Variants in TMEM196 observed in about 807,000 individuals in gnomAD.
The protein encoded by TMEM196 is transmembrane protein 196.
TMEM196 carries 17 observed loss-of-function variants against 20.0 expected under a neutral mutation model. The observed-to-expected ratio is 0.85, with a 90% CI of 0.58 to 1.27. TMEM196 has a LOEUF of 1.27. TMEM196 is among the 50% of genes most tolerant of loss of function. The pLI is 0.00. For missense variants in TMEM196, 267 were observed against 223.0 expected (o/e 1.20, Z -1.26); for synonymous variants, 113 against 88.9 (o/e 1.27, Z -1.52).
At chr7:19,772,432 A>C in intron 1 of TMEM196, 118 bp downstream of exon 1, 463 of 1,124,608 alleles carry the variant, frequency 4.1e-4, no homozygotes, top group Middle Eastern at 6.3e-4. Context: ...CATGCAAGCC[A>C]GAGATCTATG....
At chr7:19,772,435 G>T (rs1230869644) in intron 1 of TMEM196, 115 bp downstream of exon 1, 3 of 1,194,952 alleles carry the variant, frequency 2.5e-6, no homozygotes, top group East Asian at 2.9e-5. Flanking sequence ...GCAAGCCAGA[G>T]ATCTATGATT....
intron 2 of TMEM196, among the ~76,000 whole-genome samples, chr7:19,727,109 G>T (rs534027549): frequency 7.2e-4 from 109 of 152,124 alleles, no homozygotes; most frequent in Middle Eastern, 3.4e-3. Context: ...TTTCATTGAC[G>T]GTTGAGTTTA....
At chr7:19,769,556 G>C (rs1287924716) in intron 1 of TMEM196, among the ~76,000 whole-genome samples, 1 of 152,044 alleles carries the variant, frequency 6.6e-6, no homozygotes, top group African/African-American at 2.4e-5. Context: ...TCCACTGCCA[G>C]TCTGTGCACT....
At chr7:19,758,270 G>A (rs10243965) in intron 1 of TMEM196, among the ~76,000 whole-genome samples, 23,947 of 152,098 alleles carry the variant, frequency 0.16, 2,355 homozygotes, top group East Asian at 0.44. Context: ...GTCTGGAAAA[G>A]CACCATGGAA....
In TMEM196 at chr7:19,729,248, A is replaced by C. The variant is rs954900614; in HGVS notation, c.204+134T>G. ...TTTGAAAACAGAAAAGGCAGGATTT[A>C]TTTGTCAGTTTTTTTTTTTTTTGCC... On this transcript the variant is annotated intron_variant, in intron 2 of 4. Transcript: ENST00000405844. 9.9e-6 allele frequency: 6 copies of C among 604,950 alleles called. No individual in the cohort carries two copies. The South Asian group carries it at 1.6e-4, about 16-fold the overall frequency. The allele number at this position is 604,950 out of a possible 1,614,324, so 37.5% of individuals were successfully genotyped here. A position where few individuals can be genotyped will look rare whatever the true frequency, so the allele number is the denominator to read the frequency against.
At chr7:19,747,172 G>A (rs1003946096) in intron 1 of TMEM196, among the ~76,000 whole-genome samples, 1 of 150,614 alleles carries the variant, frequency 6.6e-6, no homozygotes, top group Non-Finnish European at 1.5e-5. Flanking sequence ...GGAGAATGGC[G>A]TGAACCCGGG....
At chr7:19,735,044 T>G (rs1327643496) in intron 1 of TMEM196, among the ~76,000 whole-genome samples, 1 of 152,178 alleles carries the variant, frequency 6.6e-6, no homozygotes, top group Non-Finnish European at 1.5e-5. Context: ...CTATGATGTG[T>G]TGAGTGGGAG....
intron 1 of TMEM196, among the ~76,000 whole-genome samples, chr7:19,756,362 T>TG (rs1232458694): frequency 6.6e-6 from 1 of 152,098 alleles, no homozygotes; most frequent in Non-Finnish European, 1.5e-5. Context: ...TCTTTGTTTT[T>TG]TAAACTTTTA....
At chr7:19,737,876 A>G (rs1179237056) in intron 1 of TMEM196, among the ~76,000 whole-genome samples, 4 of 152,056 alleles carry the variant, frequency 2.6e-5, no homozygotes, top group African/African-American at 9.7e-5. Context: ...ATAGAACTTT[A>G]TAACACAAAA....
In TMEM196 at chr7:19,747,701, G is replaced by T. The variant is rs575981876; in HGVS notation, c.148-18263C>A. ...TTTTACCTGAACCCTCTCAGTATTT[G>T]GTTGTTTTATTTTCCTCTATTAGAA... On this transcript the variant is annotated intron_variant, in intron 1 of 4. Coordinates refer to ENST00000405844, the MANE Select transcript of TMEM196 (RefSeq NM_001363562.2). Among the ~76,000 whole-genome samples the T allele has an allele frequency of 3.9e-5, 6 of 152,148 alleles. No homozygotes were observed. In the South Asian group the frequency reaches 1.2e-3, roughly 32 times the overall value.
intron 1 of TMEM196, among the ~76,000 whole-genome samples, chr7:19,770,870 T>C (rs1056580883): frequency 6.6e-6 from 1 of 152,138 alleles, no homozygotes; most frequent in African/African-American, 2.4e-5. Flanking sequence ...TAACCATTTT[T>C]TAATTCTCAA....
At chr7:19,759,835 G>A (rs1212582003) in intron 1 of TMEM196, among the ~76,000 whole-genome samples, 1 of 152,060 alleles carries the variant, frequency 6.6e-6, no homozygotes, top group Admixed American at 6.6e-5. Flanking sequence ...AACTATCTGT[G>A]CTTCTATTTT....
intron 1 of TMEM196, among the ~76,000 whole-genome samples, chr7:19,760,352 CTTTTTTTTTT>C (rs55646735): frequency 6.5e-5 from 6 of 92,178 alleles, no homozygotes; most frequent in African/African-American, 2.3e-4. Context: ...ATATATTTTC[CTTTTTTTTTT>C]TTTTTTTTTT....
intron 1 of TMEM196, among the ~76,000 whole-genome samples, chr7:19,762,209 C>T (rs1336337677): frequency 6.6e-6 from 1 of 151,800 alleles, no homozygotes; most frequent in Non-Finnish European, 1.5e-5. Context: ...CACATAGGCT[C>T]TTAAAACAAA....
chr7:19,762,448 CTT>C (rs1308491766), intron 1 of TMEM196, among the ~76,000 whole-genome samples: 2 of 152,008 alleles, frequency 1.3e-5, no homozygotes, highest in Non-Finnish European at 2.9e-5. Context: ...ACTGCAGTAA[CTT>C]AAACTTTTTA....
intron 1 of TMEM196, among the ~76,000 whole-genome samples, chr7:19,753,974 CT>C (rs1439570545): frequency 6.6e-6 from 1 of 152,210 alleles, no homozygotes; most frequent in Non-Finnish European, 1.5e-5. Context: ...CCCTCTTCAC[CT>C]TCCTTGTGCA....
At position 19,748,284 on chromosome 7, in the gene TMEM196, A is replaced by AAAAC. The variant is rs1554299469; in HGVS notation, c.148-18847_148-18846insGTTT. Among the ~76,000 whole-genome samples, 392 of 148,504 alleles carry AAAAC rather than the reference A, an allele frequency of 2.6e-3. 19 individuals are homozygous for AAAAC. The highest frequency in any genetic ancestry group is 9.4e-3 in the African/African-American group (367 of 39,124). On this transcript the variant is annotated intron_variant, in intron 1 of 4. Transcript: ENST00000405844. ...TGTCCAAAAAAAAAAAAAAAAAAAA[A>AAAAC]AAAAAAACAGTGTAATGACAGAACT...
chr7:19,731,390 A>G (rs1011963709), intron 1 of TMEM196, among the ~76,000 whole-genome samples: 10 of 152,128 alleles, frequency 6.6e-5, no homozygotes, highest in African/African-American at 2.4e-4. Context: ...ATGTCCTCTT[A>G]TGGACTCTTT....
intron 1 of TMEM196, among the ~76,000 whole-genome samples, chr7:19,767,733 T>G (rs1462788401): frequency 6.6e-6 from 1 of 152,040 alleles, no homozygotes; most frequent in Non-Finnish European, 1.5e-5. Flanking sequence ...CATCTTATGC[T>G]AAAGGATATG....
Sources: gnomAD v4.1 joint callset for allele counts (sites outside exome capture counted in the v4.1 genomes callset) on GRCh38, gnomAD v4.1.1 for gene constraint, MANE v1.5 for transcripts, NCBI Gene and HGNC (gene_info 2026-07-23, HGNC 2026-07-21) for gene names.